PTPRN2: variants seen among roughly 807,000 people sequenced by gnomAD.
PTPRN2 encodes the protein protein tyrosine phosphatase receptor type N2.
In PTPRN2, 74 loss-of-function variants were observed where a neutral mutation model predicts 118.8. The observed-to-expected ratio is 0.62, with a 90% CI of 0.52 to 0.76. The LOEUF (loss-of-function observed/expected upper bound fraction) is 0.76. PTPRN2 is among the 30% of genes least tolerant of loss of function. The probability of loss-of-function intolerance (pLI) is 0.00; values close to 1 mark genes in which losing one functional copy is unlikely to be tolerated. For missense variants in PTPRN2, 1,481 were observed against 1,394.4 expected (o/e 1.06, Z -0.99); for synonymous variants, 641 against 608.0 (o/e 1.05, Z -0.80).
chr7:158,472,995 T>G (rs62480059), intron 2 of PTPRN2, among the ~76,000 whole-genome samples: 105,899 of 152,026 alleles, frequency 0.7, 37,080 homozygotes, highest in Admixed American at 0.78. Context: ...CTGAAATTAG[T>G]TATGGGTTTT....
intron 5 of PTPRN2, among the ~76,000 whole-genome samples, chr7:158,179,346 T>C (rs577894818): frequency 1.3e-5 from 2 of 152,218 alleles, no homozygotes; most frequent in South Asian, 2.1e-4. Flanking sequence ...CACTTTTTAA[T>C]GGGATTTTTT....
intron 12 of PTPRN2, among the ~76,000 whole-genome samples, chr7:157,698,701 G>C (rs1054180654): frequency 1.3e-5 from 2 of 152,136 alleles, no homozygotes; most frequent in Admixed American, 1.3e-4. Context: ...GGTGAATCCG[G>C]TTTTCACTGT....
chr7:158,309,993 A>G (rs985691682), intron 3 of PTPRN2, among the ~76,000 whole-genome samples: 2 of 152,052 alleles, frequency 1.3e-5, no homozygotes, highest in Non-Finnish European at 2.9e-5. Flanking sequence ...ACACGGGGGG[A>G]AGATGCCACC....
At chr7:157,842,211 A>G (rs1194202554) in intron 12 of PTPRN2, among the ~76,000 whole-genome samples, 1 of 152,014 alleles carries the variant, frequency 6.6e-6, no homozygotes, top group African/African-American at 2.4e-5. Flanking sequence ...GCTGCATCAC[A>G]TGGTCAAACC....
At chr7:157,918,107 A>G (rs1798512581) in intron 11 of PTPRN2, among the ~76,000 whole-genome samples, 1 of 152,140 alleles carries the variant, frequency 6.6e-6, no homozygotes, top group Non-Finnish European at 1.5e-5. Context: ...GCGTTTTCTT[A>G]GTTTGTCCTT....
intron 12 of PTPRN2, among the ~76,000 whole-genome samples, chr7:157,820,375 T>C (rs916894762): frequency 3.7e-5 from 5 of 135,802 alleles, no homozygotes; most frequent in Admixed American, 2.2e-4. Flanking sequence ...AGCAGACCCA[T>C]ATATATGCAT....
rs372116814 is a variant in PTPRN2, at chr7:157,706,271, C to T, written c.1789-23334G>A. 4.6e-5 allele frequency among the ~76,000 whole-genome samples: 7 copies of T among 150,708 alleles called. No homozygotes were observed. The South Asian group carries it at 6.3e-4, about 14-fold the overall frequency. Reference sequence around the variant, plus strand: ...CCATTCCTCCAGATGGTGGGAACTGCGTGAATCTGACGCAGTGCTGTCTGG... The same window carrying T: ...CCATTCCTCCAGATGGTGGGAACTGTGTGAATCTGACGCAGTGCTGTCTGG... On this transcript the variant is annotated intron_variant, in intron 12 of 22. Coordinates refer to ENST00000389418, the MANE Select transcript of PTPRN2 (RefSeq NM_002847.5).
intron 12 of PTPRN2, among the ~76,000 whole-genome samples, chr7:157,788,219 CA>C (rs1282857554): frequency 1.5e-4 from 23 of 151,824 alleles, no homozygotes; most frequent in Non-Finnish European, 2.5e-4. Flanking sequence ...ACTAAAAGTA[CA>C]AAAAAGTAGC....
rs1432654515 is a variant in PTPRN2 at position 157,598,703 on chromosome 7, A to G, written c.2419-3388T>C. ...CTGTAAATTTATTAGGTGAACGCCA[A>G]GCTGTCAGGCGGTCTGCGGCCCGTG... On this transcript the variant is annotated intron_variant, in intron 16 of 22. Transcript: ENST00000389418. This position sits in a 1 kb window ranked among gnomAD's most constrained non-coding sequence, Gnocchi z 5.2. Among the ~76,000 whole-genome samples the G allele has an allele frequency of 6.6e-6, 1 of 152,250 alleles. No individual in the cohort carries two copies. The highest frequency in any genetic ancestry group is 1.5e-5 in the Non-Finnish European group (1 of 68,050).
At chr7:158,468,768 C>T (rs1819563290) in intron 2 of PTPRN2, among the ~76,000 whole-genome samples, 1 of 151,626 alleles carries the variant, frequency 6.6e-6, no homozygotes, top group African/African-American at 2.4e-5. Flanking sequence ...GCATGCACAC[C>T]CCCCACCCAC....
At chr7:157,851,460 T>C (rs1000137) in intron 12 of PTPRN2, among the ~76,000 whole-genome samples, 73,691 of 152,070 alleles carry the variant, frequency 0.48, 18,148 homozygotes, top group East Asian at 0.57. Context: ...TCCTGGTGCA[T>C]GGAACAGCGA....
chr7:158,040,880 GCACCAC>G (rs1168468735), intron 11 of PTPRN2, among the ~76,000 whole-genome samples: 1 of 152,022 alleles, frequency 6.6e-6, no homozygotes, highest in East Asian at 1.9e-4. Flanking sequence ...TTACAGGCAT[GCACCAC>G]CACACCTGGC....
At chr7:158,132,179 T>C (rs1462369105) in intron 9 of PTPRN2, among the ~76,000 whole-genome samples, 2 of 145,696 alleles carry the variant, frequency 1.4e-5, no homozygotes, top group Admixed American at 6.8e-5. Flanking sequence ...CACACACACA[T>C]ATACACACAC....
chr7:158,307,488 G>A (rs991138081), intron 3 of PTPRN2, among the ~76,000 whole-genome samples: 5 of 152,118 alleles, frequency 3.3e-5, no homozygotes, highest in Non-Finnish European at 5.9e-5. Flanking sequence ...CCAGATGTAG[G>A]AGAGGAAGAA....
intron 1 of PTPRN2, among the ~76,000 whole-genome samples, chr7:158,550,416 C>G (rs1289013644): frequency 6.6e-6 from 1 of 152,258 alleles, no homozygotes; most frequent in Non-Finnish European, 1.5e-5. Context: ...GGCCCCAGGG[C>G]ACTAGGCCTG....
At chr7:158,100,244 GGTGTGT>G (rs3065708) in intron 10 of PTPRN2, among the ~76,000 whole-genome samples, 2,790 of 147,246 alleles carry the variant, frequency 0.019, 58 homozygotes, top group African/African-American at 0.053. Context: ...TATTCCATGG[GGTGTGT>G]GTGTGTGTGT....
At chr7:158,558,554 C>A (rs1336796725) in intron 1 of PTPRN2, among the ~76,000 whole-genome samples, 2 of 152,008 alleles carry the variant, frequency 1.3e-5, no homozygotes, top group South Asian at 2.1e-4. Context: ...GGCAGGGTAC[C>A]TCCAGCCAAT....
intron 4 of PTPRN2, among the ~76,000 whole-genome samples, chr7:158,198,989 G>A (rs1241495331): frequency 6.6e-6 from 1 of 150,508 alleles, no homozygotes; most frequent in East Asian, 2.0e-4. Flanking sequence ...TCAGGTTCTG[G>A]CTTCTCAGAT....
At chr7:157,978,569 T>A (rs1170009227) in intron 11 of PTPRN2, among the ~76,000 whole-genome samples, 2 of 152,034 alleles carry the variant, frequency 1.3e-5, no homozygotes, top group East Asian at 3.8e-4. Context: ...GTCTTAATGC[T>A]GGCATCTTTA....
Sources: gnomAD v4.1 joint callset for allele counts (sites outside exome capture counted in the v4.1 genomes callset) on GRCh38, gnomAD v4.1.1 for gene constraint, Gnocchi (gnomAD v3.1) non-coding constraint, MANE v1.5 for transcripts, NCBI Gene and HGNC (gene_info 2026-07-23, HGNC 2026-07-21) for gene names.